Variants in CYP4Z1 observed in about 807,000 individuals in gnomAD.
The protein encoded by CYP4Z1 is cytochrome P450 family 4 subfamily Z member 1.
In CYP4Z1, 41 loss-of-function variants were observed where a neutral mutation model predicts 54.2. The ratio of observed to expected loss-of-function variants is 0.76; its 90% CI spans 0.59 to 0.98. The LOEUF is 0.98. CYP4Z1 is among the 50% of genes least tolerant of loss of function. The pLI is 0.00. For missense variants in CYP4Z1, 513 were observed against 599.0 expected (o/e 0.86, Z 1.50); for synonymous variants, 163 against 206.2 (o/e 0.79, Z 1.79).
At position 47,099,205 on chromosome 1, in the gene CYP4Z1, T is replaced by A; in HGVS notation, c.988T>A (p.Leu330Met). Reference protein sequence around the residue: ...SSAISWILYCLAKYPEHQQRC... With the variant: ...SSAISWILYCMAKYPEHQQRC... ...TGCTATCTCCTGGATCCTTTACTGC[T>A]TGGCAAAGTACCCTGAGCATCAGCA... The change falls in exon 8 of 12, where the codon TTG (leucine) becomes ATG (methionine). Residue 330 changes from leucine to methionine, a missense_variant. Transcript: ENST00000334194. The A allele has an allele frequency of 6.2e-7, 1 of 1,613,986 alleles. No homozygotes were observed.
At chr1:47,082,526 G>T in intron 4 of CYP4Z1, 65 bp downstream of exon 4, 2 of 1,558,594 alleles carry the variant, frequency 1.3e-6, no homozygotes, top group Non-Finnish European at 1.7e-6. Flanking sequence ...CATATGGTGT[G>T]GGAGACTCTG....
chr1:47,067,439 C>T lies in CYP4Z1; in HGVS notation c.-52C>T. On this transcript the variant is annotated 5_prime_UTR_variant, in exon 1 of 12. Transcript: ENST00000334194. ...TTTGTGTTTATGAGAGACCTGCATT[C>T]TCCCTGGCTCAGTTCTCTCAGGCTC... The T allele has an allele frequency of 1.4e-6, 2 of 1,465,494 alleles. No individual in the cohort carries two copies. The highest frequency in any genetic ancestry group is 3.0e-5 in the South Asian group (2 of 67,502). 90.8% of individuals were successfully genotyped at this position (1,465,494 alleles called of 1,614,324 possible).
At chr1:47,114,055 G>A (rs956612213) in intron 9 of CYP4Z1, among the ~76,000 whole-genome samples, 7 of 152,024 alleles carry the variant, frequency 4.6e-5, no homozygotes, top group African/African-American at 9.6e-5. Context: ...ATACTACAAG[G>A]CTACAGTAAC....
At chr1:47,103,336 T>A (rs1467822158) in intron 8 of CYP4Z1, among the ~76,000 whole-genome samples, 1 of 145,234 alleles carries the variant, frequency 6.9e-6, no homozygotes, top group Non-Finnish European at 1.5e-5. Context: ...TGTGCCACCA[T>A]GCCTGGCTAA....
At chr1:47,117,655 A>T in intron 11 of CYP4Z1, 111 bp from the exon 12 acceptor site, 1 of 1,247,682 alleles carries the variant, frequency 8.0e-7, no homozygotes, top group Non-Finnish European at 1.1e-6. Flanking sequence ...GACAGAAAAA[A>T]AAATGGATCT....
chr1:47,074,151 ATTT>A (rs1431383173), intron 2 of CYP4Z1, among the ~76,000 whole-genome samples: 1 of 152,014 alleles, frequency 6.6e-6, no homozygotes, highest in Non-Finnish European at 1.5e-5. Flanking sequence ...TTATTTATTT[ATTT>A]ATCTTTTATT....
chr1:47,099,147 G>T lies in CYP4Z1; in HGVS notation c.930G>T (p.Thr310=). 6.2e-7 allele frequency: 1 copy of T among 1,613,994 alleles called. No individual in the cohort carries two copies. Among genetic ancestry groups the T allele is most frequent in the Non-Finnish European group, 8.5e-7 (1 of 1,179,988 alleles). Reference sequence around the variant, plus strand: ...CAGATCTCCAGGCTGAAGTGAAAACGTTCATGTTTGCAGGACATGACACCA... The same window carrying T: ...CAGATCTCCAGGCTGAAGTGAAAACTTTCATGTTTGCAGGACATGACACCA... ...SEADLQAEVK[T]FMFAGHDTTS... Residue 310 remains threonine (T), a synonymous_variant, in exon 8 of 12, where the codon ACG becomes ACT. Transcript: ENST00000334194.
At chr1:47,097,413 T>G (rs1240061179) in intron 7 of CYP4Z1, among the ~76,000 whole-genome samples, 1 of 152,238 alleles carries the variant, frequency 6.6e-6, no homozygotes, top group Admixed American at 6.5e-5. Flanking sequence ...TGAATGGTAT[T>G]GCCTAGATTT....
intron 9 of CYP4Z1, among the ~76,000 whole-genome samples, chr1:47,109,944 T>C (rs1161697210): frequency 6.6e-6 from 1 of 152,128 alleles, no homozygotes; most frequent in African/African-American, 2.4e-5. Flanking sequence ...TAAGGCTCCA[T>C]GGAGATTTAA....
intron 8 of CYP4Z1, among the ~76,000 whole-genome samples, chr1:47,103,972 A>G (rs6693145): frequency 6.6e-6 from 1 of 151,878 alleles, no homozygotes; most frequent in Non-Finnish European, 1.5e-5. Flanking sequence ...TGATTGGGAT[A>G]TGTTGCTGGA....
chr1:47,115,764 A>G (rs945960371), intron 10 of CYP4Z1, among the ~76,000 whole-genome samples, 171 bp downstream of exon 10: 1 of 152,218 alleles, frequency 6.6e-6, no homozygotes, highest in African/African-American at 2.4e-5. Flanking sequence ...ATTTATAATC[A>G]TCACCAGAGT....
At chr1:47,101,602 T>A (rs1644721943) in intron 8 of CYP4Z1, among the ~76,000 whole-genome samples, 1 of 152,130 alleles carries the variant, frequency 6.6e-6, no homozygotes, top group Non-Finnish European at 1.5e-5. Flanking sequence ...TCCTTTGTGG[T>A]CTAAGAAGAC....
chr1:47,069,032 C>T (rs536337447), intron 2 of CYP4Z1, among the ~76,000 whole-genome samples: 1 of 152,350 alleles, frequency 6.6e-6, no homozygotes, highest in South Asian at 2.1e-4. Flanking sequence ...TTACCTCAGA[C>T]CCCCAGGACT....
At chr1:47,106,770 T>C (rs1157927476) in intron 9 of CYP4Z1, among the ~76,000 whole-genome samples, 4 of 152,184 alleles carry the variant, frequency 2.6e-5, no homozygotes, top group Non-Finnish European at 4.4e-5. Flanking sequence ...GGCCAACCTT[T>C]GTGTTCAGTC....
chr1:47,074,044 C>G (rs1310431698), intron 2 of CYP4Z1, among the ~76,000 whole-genome samples: 1 of 152,028 alleles, frequency 6.6e-6, no homozygotes, highest in Non-Finnish European at 1.5e-5. Flanking sequence ...AAGACCCTCC[C>G]CTATTTTTTC....
chr1:47,056,623 A>G, the CYP4Z1 span, among the ~76,000 whole-genome samples: 1 of 152,164 alleles, frequency 6.6e-6, no homozygotes, highest in Admixed American at 6.6e-5. Context: ...GTGCATGTAT[A>G]TTTCAGATAG....
At chr1:47,082,840 C>T (rs1393666) in intron 4 of CYP4Z1, among the ~76,000 whole-genome samples, 21 of 146,336 alleles carry the variant, frequency 1.4e-4, no homozygotes, top group African/African-American at 4.1e-4. Context: ...AAAGGTGACA[C>T]GAGCTGAGTC....
chr1:47,109,284 CAAG>C (rs1010101994), intron 9 of CYP4Z1, among the ~76,000 whole-genome samples: 4 of 152,050 alleles, frequency 2.6e-5, no homozygotes, highest in East Asian at 1.9e-4. Flanking sequence ...CCAAATTAAA[CAAG>C]AAGAGAAATT....
At chr1:47,078,134 C>A (rs1480445188) in intron 2 of CYP4Z1, among the ~76,000 whole-genome samples, 4 of 152,064 alleles carry the variant, frequency 2.6e-5, no homozygotes, top group African/African-American at 4.8e-5. Context: ...ACTTAGTTTT[C>A]CCTCTTTGCT....
Sources: gnomAD v4.1 joint callset for allele counts (sites outside exome capture counted in the v4.1 genomes callset) on GRCh38, gnomAD v4.1.1 for gene constraint, MANE v1.5 for transcripts, NCBI Gene and HGNC (gene_info 2026-07-23, HGNC 2026-07-21) for gene names.